ANKS3: variants seen among roughly 807,000 people sequenced by gnomAD.
ANKS3 encodes the protein ankyrin repeat and SAM domain-containing protein 3.
ANKS3 carries 62 observed loss-of-function variants against 80.7 expected under a neutral mutation model. That is an observed-to-expected ratio of 0.77 (90% confidence interval 0.63 to 0.95). The LOEUF (loss-of-function observed/expected upper bound fraction) is 0.95, where lower values mean the gene tolerates loss of function less well. Among genes scored for constraint, ANKS3 ranks in the 40% least tolerant of loss-of-function variants. The probability of loss-of-function intolerance (pLI) is 0.00; values close to 1 mark genes in which losing one functional copy is unlikely to be tolerated. For synonymous variants in ANKS3, 489 were observed against 355.3 expected, an observed-to-expected ratio of 1.38 and a Z score of -4.23; for missense variants, 1,150 against 883.6, an observed-to-expected ratio of 1.30 and a Z score of -3.82.
chr16:4,704,276 T>A (rs1483357061), intron 8 of ANKS3, among the ~76,000 whole-genome samples: 3 of 152,150 alleles, frequency 2.0e-5, no homozygotes, highest in Non-Finnish European at 4.4e-5. Context: ...CAATTACTGG[T>A]GGACCCCTGG....
intron 7 of ANKS3, among the ~76,000 whole-genome samples, chr16:4,710,462 C>G (rs2080424674): frequency 6.6e-6 from 1 of 152,148 alleles, no homozygotes; most frequent in South Asian, 2.1e-4. Context: ...AGTCCCAGCA[C>G]TTTGGGAGGC....
At chr16:4,714,012 C>T in intron 7 of ANKS3, 39 bp downstream of exon 7, 1 of 1,607,702 alleles carries the variant, frequency 6.2e-7, no homozygotes. Flanking sequence ...TCAAGGCAAC[C>T]AGAGACCCCA....
At chr16:4,721,131 C>T (rs998573512) in intron 6 of ANKS3, among the ~76,000 whole-genome samples, 1 of 149,660 alleles carries the variant, frequency 6.7e-6, no homozygotes, top group Non-Finnish European at 1.5e-5. Flanking sequence ...CGGTGAAACC[C>T]CGTCTCTACT....
chr16:4,697,273 T>C, intron 16 of ANKS3, 60 bp downstream of exon 16: 2 of 1,547,958 alleles, frequency 1.3e-6, no homozygotes, highest in Admixed American at 3.6e-5. Flanking sequence ...TGGAAAGGGG[T>C]CCCTTTGCCT....
chr16:4,701,760 G>A (rs2079919519), intron 9 of ANKS3: 6 of 531,110 alleles, frequency 1.1e-5, no homozygotes, highest in Non-Finnish European at 2.0e-5. Flanking sequence ...CAAGCACCCG[G>A]AGCAGTGCTT....
rs1048398061 is a variant in ANKS3, at chr16:4,706,090, G to A, written c.710-837C>T. Among the ~76,000 whole-genome samples, 49 of 151,878 alleles carry A rather than the reference G, an allele frequency of 3.2e-4. 1 individual carries two copies. The highest frequency in any genetic ancestry group is 1.1e-3 in the African/African-American group (47 of 41,334). ...ATTTTTATATTTTAGTAGAGATGGG[G>A]TTTCATCATATTAGGCTGGTCTTGA... On this transcript the variant is annotated intron_variant, in intron 7 of 17. Transcript: ENST00000304283.
In ANKS3 at chr16:4,697,452, G is replaced by A. The variant is rs1417955790; in HGVS notation, c.1811-36C>T. ...GGTGCAGGGACCGAGTTAGCTGGGGGTCTGCGTCCCCACAGGCCCTGCTTT... is the reference window on the plus strand; with the variant it reads ...GGTGCAGGGACCGAGTTAGCTGGGGATCTGCGTCCCCACAGGCCCTGCTTT... On this transcript the variant is annotated intron_variant, in intron 15 of 17. Transcript: ENST00000304283. 2.0e-6 allele frequency: 3 copies of A among 1,513,500 alleles called. No individual in the cohort carries two copies. The South Asian group carries it at 3.6e-5, about 18-fold the overall frequency. The allele number at this position is 1,513,500 out of a possible 1,614,324, so 93.8% of individuals were successfully genotyped here. A position where few individuals can be genotyped will look rare whatever the true frequency, so the allele number is the denominator to read the frequency against.
intron 6 of ANKS3, among the ~76,000 whole-genome samples, chr16:4,716,699 T>C (rs2080817823): frequency 6.7e-6 from 1 of 150,154 alleles, no homozygotes; most frequent in Admixed American, 6.6e-5. Flanking sequence ...GGGTGGATCA[T>C]AGGTCATGAG....
At chr16:4,710,617 A>T (rs1197211606) in intron 7 of ANKS3, among the ~76,000 whole-genome samples, 1 of 152,104 alleles carries the variant, frequency 6.6e-6, no homozygotes, top group Non-Finnish European at 1.5e-5. Context: ...GCTGAGGTAG[A>T]AGGATCGTTT....
chr16:4,697,165 C>T lies in ANKS3; in HGVS notation c.1895-61G>A. On this transcript the variant is annotated intron_variant, in intron 16 of 17. Transcript: ENST00000304283. ...GCTCAGGAGGGCTGGGTGGTGCTGC[C>T]CCGGGGTCTCAGCTGCAGGATGTGA... The T allele has an allele frequency of 5.7e-6, 9 of 1,590,408 alleles. No homozygotes were observed. The South Asian group carries it at 9.0e-5, about 16-fold the overall frequency.
intron 13 of ANKS3, 73 bp from the exon 14 acceptor site, chr16:4,698,672 C>T (rs1394047713): frequency 6.5e-7 from 1 of 1,528,378 alleles, no homozygotes; most frequent in African/African-American, 1.4e-5. Context: ...ACGGCCCTGT[C>T]CTGTGTGTGG....
At chr16:4,731,935 G>A (rs756227531) in intron 1 of ANKS3, among the ~76,000 whole-genome samples, 2 of 152,132 alleles carry the variant, frequency 1.3e-5, no homozygotes, top group Non-Finnish European at 2.9e-5. Flanking sequence ...GGTAGGAAAG[G>A]GAGCAAAGGC....
In ANKS3 at chr16:4,728,499, T is replaced by C. The variant is rs534754269; in HGVS notation, c.171-1322A>G. Among the ~76,000 whole-genome samples the C allele has an allele frequency of 1.2e-4, 18 of 152,250 alleles. No individual in the cohort carries two copies. The East Asian group carries it at 3.5e-3, about 29-fold the overall frequency. Reference sequence around the variant, plus strand: ...CAGGGGGGCTGCATGGAGATGCCTCTGCAGCAGGGCTCGAATGCACCCAGC... The same window carrying C: ...CAGGGGGGCTGCATGGAGATGCCTCCGCAGCAGGGCTCGAATGCACCCAGC... On this transcript the variant is annotated intron_variant, in intron 3 of 17. Coordinates refer to ENST00000304283, the MANE Select transcript of ANKS3 (RefSeq NM_133450.4).
At chr16:4,715,329 C>G (rs2080736822) in intron 6 of ANKS3, among the ~76,000 whole-genome samples, 1 of 152,188 alleles carries the variant, frequency 6.6e-6, no homozygotes, top group Admixed American at 6.6e-5. Context: ...TGTCACTGTA[C>G]ACTGTAACTG....
chr16:4,708,502 T>C (rs1418782667), intron 7 of ANKS3, among the ~76,000 whole-genome samples: 1 of 151,954 alleles, frequency 6.6e-6, no homozygotes, highest in African/African-American at 2.4e-5. Context: ...CTCAAAAAAC[T>C]AGAACAACAA....
rs549779097 is a variant in ANKS3, at chr16:4,727,005, C to T, written c.343G>A (p.Glu115Lys). The part of the protein sequence containing the change: ...PLMLASSCGN[E>K]SIAYFLLQQG... ...TGGAGAAGAAAGTAGGCGATGCTCT[C>T]GTTGCCACAGCTGGAGGCCAGCATC... Residue 115 changes from glutamate to lysine, a missense_variant, in exon 4 of 18, where the codon GAG (glutamate) becomes AAG (lysine). Glu to Lys is a moderately conservative substitution (Grantham distance 56). Transcript: ENST00000304283. The T allele has an allele frequency of 8.1e-6, 13 of 1,614,158 alleles. No individual in the cohort carries two copies. The highest frequency in any genetic ancestry group is 6.7e-5 in the East Asian group (3 of 44,886).
At position 4,705,130 on chromosome 16, in the gene ANKS3, A is replaced by T; in HGVS notation, c.833T>A (p.Ile278Asn). Residue 278 changes from isoleucine (I) to asparagine (N), a missense_variant, in exon 8 of 18, where the codon ATT (isoleucine) becomes AAT (asparagine). Transcript: ENST00000304283. ...GPRALARITG[I>N]GLGGRAPRPR... is the part of the protein sequence containing the mutation. ...CCGTGGGGCTCTGCCGCCCAGGCCA[A>T]TGCCTGTGATCCTGGCCAGGGCTCG... 6.2e-7 allele frequency: 1 copy of T among 1,613,322 alleles called. No homozygotes were observed. The highest frequency in any genetic ancestry group is 8.5e-7 in the Non-Finnish European group (1 of 1,180,026).
intron 6 of ANKS3, among the ~76,000 whole-genome samples, chr16:4,719,253 A>T (rs532400224): frequency 6.6e-6 from 1 of 152,248 alleles, no homozygotes; most frequent in East Asian, 1.9e-4. Context: ...GATCCCTTGA[A>T]CCTGGGAGGT....
intron 6 of ANKS3, among the ~76,000 whole-genome samples, chr16:4,723,816 G>C (rs1192175799): frequency 6.6e-6 from 1 of 152,118 alleles, no homozygotes; most frequent in East Asian, 1.9e-4. Flanking sequence ...CAGCACTTTG[G>C]GAGGCTGAGG....
Sources: allele counts gnomAD v4.1 joint callset (sites outside exome capture counted in the v4.1 genomes callset), GRCh38; gene constraint gnomAD v4.1.1; transcripts MANE v1.5; gene names NCBI Gene and HGNC (gene_info 2026-07-23, HGNC 2026-07-21).